The following FGF14 variants were observed in gnomAD, a reference collection of about 807,000 sequenced individuals.
FGF14 encodes fibroblast growth factor homologous factor 4.
A neutral mutation model predicts 25.5 loss-of-function variants in FGF14; 5 were observed. The observed-to-expected ratio is 0.20, with a 90% confidence interval of 0.10 to 0.41. The LOEUF is 0.41. FGF14 is among the 10% of genes least tolerant of loss of function. The pLI is 1.00. For synonymous variants in FGF14, 138 were observed against 118.3 expected (o/e 1.17, Z -1.08); for missense variants, 222 against 320.1 (o/e 0.69, Z 2.34).
At chr13:101,863,239 A>G (rs1479215432) in intron 3 of FGF14, among the ~76,000 whole-genome samples, 1 of 152,140 alleles carries the variant, frequency 6.6e-6, no homozygotes, top group Non-Finnish European at 1.5e-5. Flanking sequence ...AATAATTTCC[A>G]TTCTTAAAGG....
intron 1 of FGF14, among the ~76,000 whole-genome samples, chr13:102,172,487 C>T (rs2048291064): frequency 6.6e-6 from 1 of 152,070 alleles, no homozygotes; most frequent in South Asian, 2.1e-4. Flanking sequence ...CATACATTTA[C>T]ACTCCACTCA....
chr13:102,356,297 G>T (rs539659210), intron 1 of FGF14, among the ~76,000 whole-genome samples: 94 of 152,244 alleles, frequency 6.2e-4, no homozygotes, highest in Non-Finnish European at 1.2e-3. Flanking sequence ...TTTTTAAAAC[G>T]CAACCATGCA....
chr13:102,146,071 T>C (rs1181415196), intron 1 of FGF14, among the ~76,000 whole-genome samples: 1 of 152,238 alleles, frequency 6.6e-6, no homozygotes. Context: ...AACTTTTATA[T>C]TCTGCAAGCC....
chr13:102,401,361 C>A, intron 1 of FGF14: 1 of 994,088 alleles, frequency 1.0e-6, no homozygotes. Flanking sequence ...TGTCCTGGTT[C>A]CTGGTATGTT....
At chr13:102,005,905 A>T (rs915367617) in intron 1 of FGF14, among the ~76,000 whole-genome samples, 6 of 152,246 alleles carry the variant, frequency 3.9e-5, no homozygotes, top group Admixed American at 3.3e-4. Flanking sequence ...AAGAAAAATT[A>T]AAGCAAATGA....
chr13:102,070,373 G>A (rs2043105985), intron 1 of FGF14, among the ~76,000 whole-genome samples: 1 of 152,086 alleles, frequency 6.6e-6, no homozygotes, highest in African/African-American at 2.4e-5. Flanking sequence ...CCAAAAGACA[G>A]ACAATAACAA....
At chr13:101,852,552 G>A (rs1440477346) in intron 3 of FGF14, among the ~76,000 whole-genome samples, 2 of 151,974 alleles carry the variant, frequency 1.3e-5, no homozygotes, top group African/African-American at 2.4e-5. Flanking sequence ...TAACACTTGA[G>A]TGTGGATTTT....
rs148457394 is a variant in FGF14 at position 102,275,423 on chromosome 13, C to T, written c.208+126048G>A. Among the ~76,000 whole-genome samples the T allele has an allele frequency of 2.1e-3, 313 of 152,178 alleles. 2 individuals are homozygous for T. The highest frequency in any genetic ancestry group is 7.2e-3 in the African/African-American group (297 of 41,532). The stretch of plus-strand genomic sequence containing the variant: ...GGGCTATTATATTTTTTTACAACCT[C>T]TGAAAATTTGTATTTAAAATAGAAT... On this transcript the variant is annotated intron_variant, in intron 1 of 4. Transcript: ENST00000376131.
At chr13:101,951,534 A>C (rs1293651634) in intron 1 of FGF14, among the ~76,000 whole-genome samples, 1 of 152,194 alleles carries the variant, frequency 6.6e-6, no homozygotes. Flanking sequence ...TGGTAAAAGA[A>C]TTAGACTCAA....
At chr13:102,093,203 T>A (rs950270118) in intron 1 of FGF14, among the ~76,000 whole-genome samples, 2 of 117,462 alleles carry the variant, frequency 1.7e-5, no homozygotes, top group African/African-American at 2.6e-5. Context: ...TTAAAAAAAA[T>A]TCTTAGGTGT....
Position 102,274,913 on chromosome 13 carries a change from T to G in FGF14, c.208+126558A>C, listed in dbSNP as rs539655835. ...TATTTAATAAATAATAAATAATTATTTATTAAATAATGACGAGTAAAATAG... is the reference window on the plus strand; with the variant it reads ...TATTTAATAAATAATAAATAATTATGTATTAAATAATGACGAGTAAAATAG... On this transcript the variant is annotated intron_variant, in intron 1 of 4. Transcript: ENST00000376131. Among the ~76,000 whole-genome samples the G allele has an allele frequency of 1.7e-3, 252 of 151,036 alleles. 1 individual carries two copies. Among genetic ancestry groups the G allele is most frequent in the African/African-American group, 5.7e-3 (237 of 41,334 alleles).
At position 102,129,319 on chromosome 13, in the gene FGF14, A is replaced by G. The variant is rs117046578; in HGVS notation, c.209-254023T>C. Among the ~76,000 whole-genome samples the G allele has an allele frequency of 5.8e-3, 881 of 152,294 alleles. 3 individuals are homozygous for G. Among genetic ancestry groups the G allele is most frequent in the Non-Finnish European group, 9.9e-3 (672 of 68,026 alleles). ...AGGATTTTTTTTCACTCCATGTTGA[A>G]CTGATTACTGAGGACATTGACTAAA... On this transcript the variant is annotated intron_variant, in intron 1 of 4. Coordinates refer to the FGF14 transcript ENST00000376131.
chr13:102,113,812 G>A (rs2045342338), intron 1 of FGF14, among the ~76,000 whole-genome samples: 2 of 152,164 alleles, frequency 1.3e-5, no homozygotes, highest in South Asian at 4.1e-4. Context: ...AACTATTTTA[G>A]TTTATATATC....
intron 1 of FGF14, among the ~76,000 whole-genome samples, chr13:102,376,728 G>A (rs1373039031): frequency 6.6e-6 from 1 of 152,176 alleles, no homozygotes; most frequent in African/African-American, 2.4e-5. Flanking sequence ...AATTGCTGCT[G>A]GGATATTAAA....
In FGF14 at chr13:102,259,702, A is replaced by G. The variant is rs144111743; in HGVS notation, c.208+141769T>C. ...ACCTAGAACAGTCTAGGTTCGCCAC[A>G]TATGTTTTTTATATGAATGAACGAA... On this transcript the variant is annotated intron_variant, in intron 1 of 4. Coordinates refer to the FGF14 transcript ENST00000376131. Among the ~76,000 whole-genome samples, 109 of 152,264 alleles carry G rather than the reference A, an allele frequency of 7.2e-4. 1 individual carries two copies. The highest frequency in any genetic ancestry group is 2.5e-3 in the African/African-American group (105 of 41,532).
intron 1 of FGF14, among the ~76,000 whole-genome samples, chr13:102,010,317 G>A (rs1240702414): frequency 6.6e-6 from 1 of 152,086 alleles, no homozygotes. Flanking sequence ...AGTGCATAAA[G>A]GCTGGGGCTG....
At chr13:101,971,399 C>A (rs144713061) in intron 1 of FGF14, among the ~76,000 whole-genome samples, 1 of 149,496 alleles carries the variant, frequency 6.7e-6, no homozygotes, top group East Asian at 2.0e-4. Context: ...TGAAATGGGT[C>A]TCACTCTGTC....
chr13:101,805,676 TAAC>T (rs2041155774), intron 3 of FGF14, among the ~76,000 whole-genome samples: 1 of 152,182 alleles, frequency 6.6e-6, no homozygotes, highest in South Asian at 2.1e-4. Context: ...TTTGAGTGAC[TAAC>T]ATTATCAAAA....
intron 1 of FGF14, among the ~76,000 whole-genome samples, chr13:102,183,156 A>T (rs2048742309): frequency 6.6e-6 from 1 of 152,182 alleles, no homozygotes; most frequent in Non-Finnish European, 1.5e-5. Context: ...AATGTGCAAA[A>T]TTAAAAATAA....
Sources: gnomAD v4.1 joint callset for allele counts (sites outside exome capture counted in the v4.1 genomes callset) on GRCh38, gnomAD v4.1.1 for gene constraint, MANE v1.5 for transcripts, NCBI Gene and HGNC (gene_info 2026-07-23, HGNC 2026-07-21) for gene names.